The following NCOA7 variants were observed in gnomAD, a reference collection of about 807,000 sequenced individuals.
The protein encoded by NCOA7 is nuclear receptor coactivator 7.
NCOA7 carries 45 observed loss-of-function variants against 104.3 expected under a neutral mutation model. The ratio of observed to expected loss-of-function variants is 0.43; its 90% CI spans 0.34 to 0.55. The LOEUF is 0.55. Ranked by LOEUF, NCOA7 falls within the 20% of genes least tolerant of loss-of-function variation. NCOA7 has a pLI of 0.02. For synonymous variants in NCOA7, 398 were observed against 402.3 expected (o/e 0.99, Z 0.13); for missense variants, 1,041 against 1,119.7 (o/e 0.93, Z 1.00).
chr6:125,880,762 C>T (rs901746691), intron 5 of NCOA7, among the ~76,000 whole-genome samples: 5 of 152,036 alleles, frequency 3.3e-5, no homozygotes, highest in Non-Finnish European at 5.9e-5. Context: ...AAACTCTTGA[C>T]CTCAGGTGAT....
chr6:125,897,967 C>T (rs1392623240), intron 10 of NCOA7, among the ~76,000 whole-genome samples: 2 of 152,248 alleles, frequency 1.3e-5, no homozygotes, highest in Admixed American at 1.3e-4. Context: ...ACATGAGCCA[C>T]CATGCCCAGC....
chr6:125,911,996 C>T (rs935439966), intron 10 of NCOA7, among the ~76,000 whole-genome samples: 7 of 152,210 alleles, frequency 4.6e-5, no homozygotes, highest in East Asian at 1.9e-4. Context: ...TTCGTTAACT[C>T]GGTTTCTGCC....
chr6:125,842,498 A>G (rs1194414698), intron 2 of NCOA7, among the ~76,000 whole-genome samples: 1 of 152,244 alleles, frequency 6.6e-6, no homozygotes, highest in Non-Finnish European at 1.5e-5. Flanking sequence ...TAGTCAGAGA[A>G]TACAGTTCAT....
intron 1 of NCOA7, among the ~76,000 whole-genome samples, chr6:125,813,611 C>T (rs769905122): frequency 2.2e-4 from 33 of 151,936 alleles, no homozygotes; most frequent in African/African-American, 7.2e-4. Context: ...CCACCACGCC[C>T]GGCTAATTTT....
In NCOA7 at chr6:125,885,170, C is replaced by T. The variant is rs764540367; in HGVS notation, c.711C>T (p.Gly237=). Residue 237 remains glycine, a synonymous_variant, in exon 8 of 16, where the codon GGC becomes GGT. Coordinates refer to ENST00000392477, the MANE Select transcript of NCOA7 (RefSeq NM_181782.5). ...RYFTDGKGVV[G]GVMIVTPNNI... is the part of the protein sequence containing the mutation. ...GCTTTCTCCTGCAGGGTGTGGTTGG[C>T]GGTGTTATGATAGTGACTCCTAACA... The T allele has an allele frequency of 9.9e-6, 16 of 1,613,720 alleles. No individual in the cohort carries two copies. Among genetic ancestry groups the T allele is most frequent in the East Asian group, 8.9e-5 (4 of 44,872 alleles).
chr6:125,858,604 T>TGACA (rs1781789406), intron 3 of NCOA7, among the ~76,000 whole-genome samples: 1 of 149,904 alleles, frequency 6.7e-6, no homozygotes, highest in Admixed American at 6.7e-5. Context: ...CCAGACTGAG[T>TGACA]GACAGAGCGA....
intron 2 of NCOA7, among the ~76,000 whole-genome samples, chr6:125,821,108 T>C (rs17053577): frequency 0.024 from 3,603 of 152,084 alleles, 134 homozygotes; most frequent in African/African-American, 0.079. Flanking sequence ...CAGGCAGGGA[T>C]TGGGTTTGTC....
At chr6:125,905,869 C>T (rs1040083060) in intron 10 of NCOA7, among the ~76,000 whole-genome samples, 1 of 152,054 alleles carries the variant, frequency 6.6e-6, no homozygotes, top group African/African-American at 2.4e-5. Context: ...GGCATGATCT[C>T]GACTGACTAC....
At chr6:125,926,969 C>T (rs1788086799) in intron 13 of NCOA7, among the ~76,000 whole-genome samples, 1 of 152,168 alleles carries the variant, frequency 6.6e-6, no homozygotes, top group Admixed American at 6.5e-5. Flanking sequence ...TGTAGCTTGG[C>T]TCCCCTTCCA....
intron 1 of NCOA7, among the ~76,000 whole-genome samples, chr6:125,784,521 A>G (rs1363227901): frequency 6.6e-6 from 1 of 152,254 alleles, no homozygotes; most frequent in African/African-American, 2.4e-5. Context: ...ATGACTCAGC[A>G]AATGTACTCT....
At chr6:125,881,980 A>G (rs1386427924) in intron 6 of NCOA7, among the ~76,000 whole-genome samples, 1 of 152,106 alleles carries the variant, frequency 6.6e-6, no homozygotes, top group Non-Finnish European at 1.5e-5. Flanking sequence ...CAGCCTCCTA[A>G]GTAGCTGGGA....
At position 125,885,264 on chromosome 6, in the gene NCOA7, A is replaced by G; in HGVS notation, c.805A>G (p.Ile269Val). The G allele has an allele frequency of 6.2e-7, 1 of 1,614,082 alleles. No homozygotes were observed. The highest frequency in any genetic ancestry group is 8.5e-7 in the Non-Finnish European group (1 of 1,179,962). ...IENGCEEYGL[I>V]CPMEEVVSIA... ...AAATGGGTGTGAGGAGTATGGTCTC[A>G]TCTGCCCCATGGAAGAGGTTGTTTC... is the stretch of plus-strand genomic sequence containing the variant. The change falls in exon 8 of 16, where the codon ATC becomes GTC. Residue 269 changes from isoleucine to valine, a missense_variant. Ile to Val is a conservative substitution (Grantham distance 29). Around this residue, in one of 2 missense-constraint regions of NCOA7, gnomAD observed 914 missense variants for 942.7 expected, o/e 0.97. Coordinates refer to ENST00000392477, the MANE Select transcript of NCOA7 (RefSeq NM_181782.5).
At chr6:125,912,466 A>G (rs1021481882) in intron 10 of NCOA7, among the ~76,000 whole-genome samples, 1 of 152,214 alleles carries the variant, frequency 6.6e-6, no homozygotes, top group Non-Finnish European at 1.5e-5. Context: ...ATTGAGAAAA[A>G]GACAGTGAGA....
At chr6:125,791,178 CGGT>C (rs1216939506) in intron 1 of NCOA7, 111 bp downstream of exon 1, 1 of 152,340 alleles carries the variant, frequency 6.6e-6, no homozygotes, top group African/African-American at 2.4e-5. Context: ...GCCGGGGGCT[CGGT>C]GGAGCGCTCG....
chr6:125,857,625 A>T (rs1253671109), intron 3 of NCOA7, among the ~76,000 whole-genome samples: 2 of 151,808 alleles, frequency 1.3e-5, no homozygotes, highest in Non-Finnish European at 2.9e-5. Context: ...CCATGGCACA[A>T]TCTCAGCTCA....
intron 14 of NCOA7, 25 bp downstream of exon 14, chr6:125,927,783 A>G: frequency 6.5e-7 from 1 of 1,546,156 alleles, no homozygotes; most frequent in Non-Finnish European, 8.9e-7. Context: ...GAAATATCCA[A>G]CTCCCATATG....
rs1450343611 is a variant in NCOA7 at position 125,931,066 on chromosome 6, A to G, written c.*2295A>G. ...TATGGATATTGACTATATGTAATGC[A>G]GTGCTATCCCAATATTTTCAATAAA... On this transcript the variant is annotated 3_prime_UTR_variant, in exon 16 of 16. Transcript: ENST00000392477. 1 of 152,652 alleles carries G rather than the reference A, an allele frequency of 6.6e-6. No individual in the cohort carries two copies. Among genetic ancestry groups the G allele is most frequent in the Non-Finnish European group, 1.5e-5 (1 of 68,040 alleles). The allele number at this position is 152,652 out of a possible 1,614,324, so 9.5% of individuals were successfully genotyped here. A position where few individuals can be genotyped will look rare whatever the true frequency, so the allele number is the denominator to read the frequency against.
At chr6:125,794,835 A>G (rs1419847730) in intron 1 of NCOA7, among the ~76,000 whole-genome samples, 1 of 152,206 alleles carries the variant, frequency 6.6e-6, no homozygotes, top group Non-Finnish European at 1.5e-5. Context: ...CCTGCCTTAA[A>G]CGCTATATAG....
intron 3 of NCOA7, among the ~76,000 whole-genome samples, chr6:125,871,673 A>G (rs566835955): frequency 1.3e-5 from 2 of 152,250 alleles, no homozygotes; most frequent in African/African-American, 4.8e-5. Context: ...AGGCTTATTC[A>G]TCTGTACTGG....
Sources: gnomAD v4.1 joint callset for allele counts (sites outside exome capture counted in the v4.1 genomes callset) on GRCh38, gnomAD v4.1.1 for gene constraint, gnomAD v4.1.1 regional missense constraint, MANE v1.5 for transcripts, NCBI Gene and HGNC (gene_info 2026-07-23, HGNC 2026-07-21) for gene names.